The following TTLL7 variants were observed in gnomAD, a reference collection of about 807,000 sequenced individuals.
The protein encoded by TTLL7 is tubulin polyglutamylase TTLL7.
TTLL7 carries 53 observed loss-of-function variants against 120.2 expected under a neutral mutation model. That is an observed-to-expected ratio of 0.44 (90% confidence interval 0.35 to 0.55). The LOEUF is 0.55. Ranked by LOEUF, TTLL7 falls within the 20% of genes least tolerant of loss-of-function variation. The pLI is 0.00. For synonymous variants in TTLL7, 353 were observed against 351.7 expected (o/e 1.00, Z -0.04); for missense variants, 803 against 1,054.7 (o/e 0.76, Z 3.31).
At chr1:83,884,784 T>G (rs1036790937) in intron 19 of TTLL7, among the ~76,000 whole-genome samples, 2 of 149,684 alleles carry the variant, frequency 1.3e-5, no homozygotes, top group Non-Finnish European at 3.0e-5. Context: ...AATGACGAGT[T>G]AATGGGTGCA....
intron 1 of TTLL7, among the ~76,000 whole-genome samples, chr1:83,984,846 G>T (rs2100621269): frequency 6.6e-6 from 1 of 151,900 alleles, no homozygotes; most frequent in Non-Finnish European, 1.5e-5. Flanking sequence ...ATGGGTTATG[G>T]GACTATCCAT....
chr1:83,968,505 C>G (rs1650686154), intron 1 of TTLL7, among the ~76,000 whole-genome samples: 1 of 151,984 alleles, frequency 6.6e-6, no homozygotes, highest in Non-Finnish European at 1.5e-5. Flanking sequence ...GAAACTAAAA[C>G]AGCTAAATTC....
chr1:83,901,110 T>A (rs988876061), intron 18 of TTLL7, among the ~76,000 whole-genome samples: 1 of 151,916 alleles, frequency 6.6e-6, no homozygotes, highest in Admixed American at 6.6e-5. Context: ...TTACTTGTCA[T>A]TTTATGTGCT....
chr1:83,948,671 C>G lies in TTLL7; in HGVS notation c.304G>C (p.Gly102Arg), dbSNP rs951686983. Residue 102 changes from glycine (G) to arginine (R), a missense_variant, in exon 5 of 21, where the codon GGG becomes CGG. By Grantham distance (125) the Gly-to-Arg change is moderately radical (BLOSUM62 -2). Transcript: ENST00000260505. ...YQRINHFPGM[G>R]EICRKDFLAR... ...AAGAAATCCTTCCTACAGATCTCCC[C>G]CATTCCTGGAAAATGGTTGATCCTC... 2.5e-6 allele frequency: 4 copies of G among 1,609,784 alleles called. No homozygotes were observed. Among genetic ancestry groups the G allele is most frequent in the Non-Finnish European group, 3.4e-6 (4 of 1,177,218 alleles).
intron 10 of TTLL7, among the ~76,000 whole-genome samples, chr1:83,926,058 T>A (rs1046215186): frequency 2.0e-5 from 3 of 150,604 alleles, no homozygotes; most frequent in Non-Finnish European, 4.4e-5. Context: ...GAGATGGAGG[T>A]TGCAGTGAAC....
intron 15 of TTLL7, 142 bp downstream of exon 15, chr1:83,911,023 T>C: frequency 1.5e-6 from 1 of 658,176 alleles, no homozygotes; most frequent in Admixed American, 2.9e-5. Context: ...TGCCCGAGTC[T>C]GGTTAGGGAA....
chr1:83,881,019 G>T (rs1161208705), intron 20 of TTLL7, among the ~76,000 whole-genome samples: 1 of 151,888 alleles, frequency 6.6e-6, no homozygotes, highest in Non-Finnish European at 1.5e-5. Context: ...AAATGGTGCT[G>T]GGAAAACTGG....
intron 19 of TTLL7, among the ~76,000 whole-genome samples, chr1:83,888,694 G>C (rs1479198073): frequency 1.3e-5 from 2 of 151,892 alleles, no homozygotes; most frequent in African/African-American, 4.8e-5. Context: ...AAATTTTTAA[G>C]AGATCTGAAA....
chr1:83,901,532 T>C (rs1402178294), intron 18 of TTLL7, among the ~76,000 whole-genome samples: 2 of 152,010 alleles, frequency 1.3e-5, no homozygotes, highest in African/African-American at 2.4e-5. Context: ...TTACAAAAAT[T>C]ATATGGACTT....
rs890452136 is a variant in TTLL7, at chr1:83,888,392, C to T, written c.2369+1929G>A. Among the ~76,000 whole-genome samples the T allele has an allele frequency of 9.2e-5, 14 of 151,898 alleles. No individual in the cohort carries two copies. In the East Asian group the frequency reaches 1.6e-3, roughly 17 times the overall value. Reference sequence around the variant, plus strand: ...TTCTCAGATTTCAACACACCCAGAGCGCCTTATTAATTCTCCCTGTTGGTT... The same window carrying T: ...TTCTCAGATTTCAACACACCCAGAGTGCCTTATTAATTCTCCCTGTTGGTT... On this transcript the variant is annotated intron_variant, in intron 19 of 20. Coordinates refer to ENST00000260505, the MANE Select transcript of TTLL7 (RefSeq NM_024686.6).
At chr1:83,958,750 T>C (rs772100480) in intron 1 of TTLL7, among the ~76,000 whole-genome samples, 7 of 152,184 alleles carry the variant, frequency 4.6e-5, no homozygotes, top group Non-Finnish European at 1.0e-4. Context: ...TGCTTATTTG[T>C]TTTGAATATT....
chr1:83,874,688 T>A (rs893549870), intron 20 of TTLL7, among the ~76,000 whole-genome samples: 1 of 152,024 alleles, frequency 6.6e-6, no homozygotes, highest in Non-Finnish European at 1.5e-5. Context: ...GGATGTGCAC[T>A]AAATCCTGTG....
intron 1 of TTLL7, among the ~76,000 whole-genome samples, chr1:83,967,547 C>T (rs533263795): frequency 1.2e-4 from 18 of 152,158 alleles, no homozygotes; most frequent in Non-Finnish European, 2.1e-4. Flanking sequence ...CAGTGACTGA[C>T]TCAGGAATGA....
chr1:83,964,869 A>G (rs1338126689), intron 1 of TTLL7, among the ~76,000 whole-genome samples: 1 of 152,116 alleles, frequency 6.6e-6, no homozygotes, highest in Non-Finnish European at 1.5e-5. Flanking sequence ...AAATCAACAA[A>G]GCTGATTTTC....
At chr1:83,922,008 G>GGGAT (rs1658712040) in intron 10 of TTLL7, among the ~76,000 whole-genome samples, 1 of 151,916 alleles carries the variant, frequency 6.6e-6, no homozygotes, top group Non-Finnish European at 1.5e-5. Flanking sequence ...GTCCTGTTTT[G>GGGAT]GGATTATTTT....
rs12046257 is a variant in TTLL7 at position 83,899,543 on chromosome 1, C to T, written c.2208+4536G>A. ...AAAATTCAATATATGAATTTTTCTGCGAAAAAAATAGAATTGTCTATAGAA... is the reference window on the plus strand; with the variant it reads ...AAAATTCAATATATGAATTTTTCTGTGAAAAAAATAGAATTGTCTATAGAA... On this transcript the variant is annotated intron_variant, in intron 18 of 20. Coordinates refer to ENST00000260505, the MANE Select transcript of TTLL7 (RefSeq NM_024686.6). 1.1e-4 allele frequency among the ~76,000 whole-genome samples: 17 copies of T among 151,606 alleles called. No individual in the cohort carries two copies. The East Asian group carries it at 2.3e-3, about 21-fold the overall frequency.
chr1:83,915,746 G>A (rs1658097616), intron 14 of TTLL7, among the ~76,000 whole-genome samples: 1 of 151,334 alleles, frequency 6.6e-6, no homozygotes, highest in Non-Finnish European at 1.5e-5. Context: ...CTACTCATCT[G>A]ACAAAGGGCT....
At position 83,911,289 on chromosome 1, in the gene TTLL7, A is replaced by G. The variant is rs372141006; in HGVS notation, c.1662T>C (p.Asp554=). 6.8e-6 allele frequency: 11 copies of G among 1,613,628 alleles called. No homozygotes were observed. The highest frequency in any genetic ancestry group is 5.3e-5 in the African/African-American group (4 of 74,906). Residue 554 remains aspartate (D), a synonymous_variant, in exon 15 of 21, where the codon GAT becomes GAC. Coordinates refer to ENST00000260505, the MANE Select transcript of TTLL7 (RefSeq NM_024686.6). The part of the protein sequence containing the change: ...PKYCSSDSSY[D]SSSSSSESDE... ...CAGATTCTGAAGAGCTGCTGCTACTATCATAACTGCTGTCACTGCTGCAGT... is the reference window on the plus strand; with the variant it reads ...CAGATTCTGAAGAGCTGCTGCTACTGTCATAACTGCTGTCACTGCTGCAGT...
chr1:83,911,246 C>G lies in TTLL7; in HGVS notation c.1705G>C (p.Glu569Gln). The part of the protein sequence containing the change: ...SSESDENEKE[E>Q]YQNKKREKQV... ...TTTTCTCTTTTCTTATTTTGGTACT[C>G]TTCTTTTTCATTTTCGTCAGATTCT... Residue 569 changes from glutamate to glutamine, a missense_variant, in exon 15 of 21, where the codon GAG becomes CAG. Physicochemically the swap from Glu to Gln is conservative, Grantham distance 29. Around this residue, in one of 3 missense-constraint regions of TTLL7, gnomAD observed 388 missense variants for 450.4 expected, o/e 0.86. Coordinates refer to ENST00000260505, the MANE Select transcript of TTLL7 (RefSeq NM_024686.6). The G allele has an allele frequency of 6.2e-7, 1 of 1,613,388 alleles. No individual in the cohort carries two copies. Among genetic ancestry groups the G allele is most frequent in the South Asian group, 1.1e-5 (1 of 91,052 alleles).
Sources: gnomAD v4.1 joint callset for allele counts (sites outside exome capture counted in the v4.1 genomes callset) on GRCh38, gnomAD v4.1.1 for gene constraint, gnomAD v4.1.1 regional missense constraint, MANE v1.5 for transcripts, NCBI Gene and HGNC (gene_info 2026-07-23, HGNC 2026-07-21) for gene names.